The following ANKS1B variants were observed in gnomAD, a reference collection of about 807,000 sequenced individuals.
ANKS1B encodes the protein ankyrin repeat and sterile alpha motif domain-containing protein 1B.
ANKS1B carries 36 observed loss-of-function variants against 148.3 expected under a neutral mutation model. That is an observed-to-expected ratio of 0.24 (90% confidence interval 0.19 to 0.32). ANKS1B has a LOEUF of 0.32. Among genes scored for constraint, ANKS1B ranks in the 10% least tolerant of loss-of-function variants. The probability of loss-of-function intolerance (pLI) is 1.00; values close to 1 mark genes in which losing one functional copy is unlikely to be tolerated. For missense variants in ANKS1B, 1,157 were observed against 1,542.6 expected (o/e 0.75, Z 4.19); for synonymous variants, 542 against 560.8 (o/e 0.97, Z 0.47).
intron 17 of ANKS1B, among the ~76,000 whole-genome samples, chr12:99,015,642 G>A (rs1223313285): frequency 2.0e-5 from 3 of 152,118 alleles, no homozygotes; most frequent in South Asian, 2.1e-4. Context: ...CGAGGTGGGC[G>A]GATCAGGAGG....
chr12:98,800,182 A>G (rs1398965401), intron 21 of ANKS1B, among the ~76,000 whole-genome samples: 1 of 151,456 alleles, frequency 6.6e-6, no homozygotes, highest in Non-Finnish European at 1.5e-5. Flanking sequence ...CAATATAAGT[A>G]AGCTTTAGTA....
rs2095601899 is a variant in ANKS1B, at chr12:99,974,523, T to C, written c.134+9581A>G. On this transcript the variant is annotated intron_variant, in intron 1 of 26. Coordinates refer to ENST00000683438, the MANE Select transcript of ANKS1B (RefSeq NM_001352186.2). ...GAAAATACTTTTCTATCACCAGCCA[T>C]ATACTCTCTCATTTCTCATGTCTCC... is the stretch of plus-strand genomic sequence containing the variant. 2.6e-5 allele frequency among the ~76,000 whole-genome samples: 4 copies of C among 152,148 alleles called. No homozygotes were observed. In the South Asian group the frequency reaches 8.3e-4, roughly 32 times the overall value.
At chr12:99,018,150 C>T (rs2099943674) in intron 17 of ANKS1B, among the ~76,000 whole-genome samples, 1 of 152,124 alleles carries the variant, frequency 6.6e-6, no homozygotes, top group Non-Finnish European at 1.5e-5. Flanking sequence ...CTCCAAAATT[C>T]ACATGTTGAA....
intron 12 of ANKS1B, among the ~76,000 whole-genome samples, chr12:99,387,294 G>C (rs1271640322): frequency 6.6e-6 from 1 of 152,196 alleles, no homozygotes; most frequent in Non-Finnish European, 1.5e-5. Flanking sequence ...CATGAGGACA[G>C]AGCCCTCATG....
intron 9 of ANKS1B, among the ~76,000 whole-genome samples, chr12:99,604,119 G>A (rs139338819): frequency 6.6e-6 from 1 of 152,158 alleles, no homozygotes; most frequent in African/African-American, 2.4e-5. Flanking sequence ...AAATGATCAT[G>A]GTTAGAAATC....
chr12:99,511,211 A>G (rs948959358), intron 9 of ANKS1B, among the ~76,000 whole-genome samples: 1 of 151,958 alleles, frequency 6.6e-6, no homozygotes, highest in Non-Finnish European at 1.5e-5. Context: ...AACCTAGTTT[A>G]TTCAGAATTT....
chr12:99,641,408 C>T (rs1390645392), intron 9 of ANKS1B, among the ~76,000 whole-genome samples: 1 of 152,136 alleles, frequency 6.6e-6, no homozygotes, highest in Admixed American at 6.5e-5. Flanking sequence ...AGAAACCACA[C>T]ATAATTCCAG....
chr12:99,735,660 A>C (rs1200039563), intron 8 of ANKS1B, among the ~76,000 whole-genome samples: 1 of 152,222 alleles, frequency 6.6e-6, no homozygotes, highest in Non-Finnish European at 1.5e-5. Flanking sequence ...AGATGGCTTC[A>C]CTGCCAAATT....
intron 12 of ANKS1B, among the ~76,000 whole-genome samples, chr12:99,346,796 C>A: frequency 6.6e-6 from 1 of 151,946 alleles, no homozygotes; most frequent in Non-Finnish European, 1.5e-5. Flanking sequence ...AGCACCTCCC[C>A]CTTCTCTCTC....
chr12:99,793,478 T>C (rs1297148611), intron 4 of ANKS1B, among the ~76,000 whole-genome samples: 1 of 151,948 alleles, frequency 6.6e-6, no homozygotes, highest in African/African-American at 2.4e-5. Context: ...ATCAGACACA[T>C]AGACCAATGG....
Position 99,113,386 on chromosome 12 carries a change from G to A in ANKS1B, c.2527-28363C>T, listed in dbSNP as rs116142261. ...GGGTTTCTTCATTAGTATCTGGCAC[G>A]AAACACAGTGTTCAAAATACTTCTT... is the stretch of plus-strand genomic sequence containing the variant. On this transcript the variant is annotated intron_variant, in intron 15 of 26. Transcript: ENST00000683438. Among the ~76,000 whole-genome samples the A allele has an allele frequency of 3.7e-3, 558 of 152,220 alleles. 4 individuals are homozygous for A. The highest frequency in any genetic ancestry group is 0.013 in the African/African-American group (526 of 41,522).
chr12:99,147,918 C>A (rs2073703105), intron 15 of ANKS1B, among the ~76,000 whole-genome samples: 1 of 151,820 alleles, frequency 6.6e-6, no homozygotes, highest in African/African-American at 2.4e-5. Context: ...AGTGGAAGAA[C>A]AAGCAGGGGG....
At chr12:98,771,340 T>A (rs1216843540) in intron 25 of ANKS1B, among the ~76,000 whole-genome samples, 1 of 151,878 alleles carries the variant, frequency 6.6e-6, no homozygotes, top group Non-Finnish European at 1.5e-5. Context: ...GCTAATTTTT[T>A]TTTTTTTTTT....
At chr12:99,745,336 T>G (rs1024197883) in intron 8 of ANKS1B, among the ~76,000 whole-genome samples, 1 of 152,106 alleles carries the variant, frequency 6.6e-6, no homozygotes, top group Non-Finnish European at 1.5e-5. Flanking sequence ...ACAGTAAACA[T>G]TGGGCAAATT....
chr12:99,596,993 T>G (rs1247056421), intron 9 of ANKS1B, among the ~76,000 whole-genome samples: 1 of 151,984 alleles, frequency 6.6e-6, no homozygotes, highest in Non-Finnish European at 1.5e-5. Flanking sequence ...TGTTTTACTT[T>G]TTAAGAAAAC....
intron 1 of ANKS1B, among the ~76,000 whole-genome samples, chr12:99,980,660 G>A (rs146546365): frequency 8.5e-4 from 130 of 152,134 alleles, no homozygotes; most frequent in Admixed American, 4.2e-3. Context: ...AGAAAAGTAT[G>A]AAAACTAAGT....
At chr12:99,392,283 A>G (rs767593589) in intron 12 of ANKS1B, among the ~76,000 whole-genome samples, 4 of 152,210 alleles carry the variant, frequency 2.6e-5, no homozygotes, top group Non-Finnish European at 5.9e-5. Flanking sequence ...ACAGGCCTTC[A>G]TTTGCCTTTC....
intron 17 of ANKS1B, among the ~76,000 whole-genome samples, chr12:99,046,673 C>T (rs1376125676): frequency 1.3e-5 from 2 of 151,994 alleles, no homozygotes; most frequent in African/African-American, 4.8e-5. Flanking sequence ...GTGGTGGGCA[C>T]CTGTAGTCCC....
At chr12:99,511,091 G>GTCATGTGC (rs2096761117) in intron 9 of ANKS1B, among the ~76,000 whole-genome samples, 2 of 152,096 alleles carry the variant, frequency 1.3e-5, no homozygotes, top group African/African-American at 4.8e-5. Context: ...CAGCATCCTT[G>GTCATGTGC]TCATGTGCTG....
Sources: gnomAD v4.1 joint callset for allele counts (sites outside exome capture counted in the v4.1 genomes callset) on GRCh38, gnomAD v4.1.1 for gene constraint, MANE v1.5 for transcripts, NCBI Gene and HGNC (gene_info 2026-07-23, HGNC 2026-07-21) for gene names.